Variants in AGFG1 observed in about 807,000 individuals in gnomAD.
The protein encoded by AGFG1 is ArfGAP with FG repeats 1.
A neutral mutation model predicts 60.6 loss-of-function variants in AGFG1; 10 were observed. The ratio of observed to expected loss-of-function variants is 0.16; its 90% CI spans 0.10 to 0.28. The LOEUF is 0.28. AGFG1 is among the 10% of genes least tolerant of loss of function. AGFG1 has a pLI of 1.00. For missense variants in AGFG1, 537 were observed against 676.5 expected (o/e 0.79, Z 2.29); for synonymous variants, 247 against 242.9 (o/e 1.02, Z -0.16).
rs528131500 is a variant in AGFG1 at position 227,490,601 on chromosome 2, C to A, written c.168-946C>A. Among the ~76,000 whole-genome samples the A allele has an allele frequency of 2.0e-5, 3 of 150,684 alleles. No individual in the cohort carries two copies. The East Asian group carries it at 5.9e-4, about 29-fold the overall frequency. The stretch of plus-strand genomic sequence containing the variant: ...TCAAAAAAAAAAAAAAAAATTACTG[C>A]AGTAATTGCTGTAGAACCTAGAGTT... On this transcript the variant is annotated intron_variant, in intron 1 of 12. Transcript: ENST00000310078.
At position 227,559,068 on chromosome 2, in the gene AGFG1, A is replaced by C. The variant is rs1693059449; in HGVS notation, c.*4573A>C. ...GAGGTATTTAATCTGCAAAGACCCA[A>C]GTATCGTGAACCTTGGTTTTAAAAA... On this transcript the variant is annotated 3_prime_UTR_variant, in exon 13 of 13. Transcript: ENST00000310078. 6.6e-6 allele frequency: 1 copy of C among 152,218 alleles called. No homozygotes were observed. Among genetic ancestry groups the C allele is most frequent in the South Asian group, 2.1e-4 (1 of 4,834 alleles). 9.4% of individuals were successfully genotyped at this position (152,218 alleles called of 1,614,324 possible).
At chr2:227,502,807 A>G (rs1024610414) in intron 2 of AGFG1, among the ~76,000 whole-genome samples, 1 of 152,204 alleles carries the variant, frequency 6.6e-6, no homozygotes, top group Non-Finnish European at 1.5e-5. Context: ...TCTGTGATCC[A>G]TCTCAAATTA....
At chr2:227,489,988 G>A (rs1559169903) in intron 1 of AGFG1, among the ~76,000 whole-genome samples, 1 of 151,798 alleles carries the variant, frequency 6.6e-6, no homozygotes. Flanking sequence ...GCTTATTTTT[G>A]TATTTTTAGT....
At chr2:227,499,806 A>G (rs1037550603) in intron 2 of AGFG1, among the ~76,000 whole-genome samples, 3 of 152,196 alleles carry the variant, frequency 2.0e-5, no homozygotes, top group Non-Finnish European at 4.4e-5. Context: ...GAGCTGGATA[A>G]TCTATAACCT....
intron 1 of AGFG1, among the ~76,000 whole-genome samples, chr2:227,486,817 C>T (rs1300303825): frequency 1.3e-5 from 2 of 152,096 alleles, no homozygotes; most frequent in Non-Finnish European, 2.9e-5. Flanking sequence ...AGGGGTTTTA[C>T]CCTGTGGGGG....
At chr2:227,551,777 AGTTAC>A (rs1374645030) in intron 10 of AGFG1, among the ~76,000 whole-genome samples, 177 bp from the exon 11 acceptor site, 2 of 152,196 alleles carry the variant, frequency 1.3e-5, no homozygotes, top group Non-Finnish European at 2.9e-5. Flanking sequence ...AATTTCTACA[AGTTAC>A]GTTAAACTGT....
At chr2:227,533,862 G>T in intron 7 of AGFG1, 104 bp downstream of exon 7, 4 of 1,126,776 alleles carry the variant, frequency 3.5e-6, no homozygotes, top group Non-Finnish European at 5.0e-6. Context: ...CTCAGTTGTT[G>T]TATAGAAATT....
At chr2:227,512,705 A>G (rs1290645457) in intron 2 of AGFG1, among the ~76,000 whole-genome samples, 6 of 152,196 alleles carry the variant, frequency 3.9e-5, no homozygotes, top group Non-Finnish European at 8.8e-5. Context: ...TTCTACTTCC[A>G]AAAAGTGGAT....
chr2:227,532,610 C>G (rs558807095), intron 6 of AGFG1, among the ~76,000 whole-genome samples: 1 of 151,680 alleles, frequency 6.6e-6, no homozygotes, highest in African/African-American at 2.4e-5. Flanking sequence ...AGAAAGTGTT[C>G]GTGTTTTTTT....
chr2:227,531,200 C>G lies in AGFG1; in HGVS notation c.804C>G (p.Pro268=). The part of the protein sequence containing the change: ...FPTASHSPFQ[P]QTTGGSAASV... ...CAGCAAGTCACTCTCCTTTTCAGCC[C>G]CAAACTACAGGTAGAGCTTCTCCAG... is the stretch of plus-strand genomic sequence containing the variant. The change falls in exon 6 of 13, where the codon CCC becomes CCG. Residue 268 remains proline (P), a synonymous_variant. Transcript: ENST00000310078. 1 of 1,613,426 alleles carries G rather than the reference C, an allele frequency of 6.2e-7. No homozygotes were observed.
intron 2 of AGFG1, among the ~76,000 whole-genome samples, chr2:227,492,322 T>A (rs1011325140): frequency 4.6e-5 from 7 of 152,204 alleles, no homozygotes; most frequent in African/African-American, 1.7e-4. Context: ...GGCATTTTTT[T>A]ATAATCCTGC....
At chr2:227,511,973 T>C (rs1192209044) in intron 2 of AGFG1, among the ~76,000 whole-genome samples, 2 of 152,220 alleles carry the variant, frequency 1.3e-5, no homozygotes, top group Non-Finnish European at 2.9e-5. Context: ...TCACATTCTG[T>C]TAAGCCTAAT....
rs1559167208 is a variant in AGFG1, at chr2:227,484,680, TTTTTTTTG to T, written c.168-6859_168-6852del. ...CTTCTTTAATGAAGATCTCTTAGTT[TTTTTTTTG>T]TTTTTTTTTTTTTTTTTTTTTTTTT... On this transcript the variant is annotated intron_variant, in intron 1 of 12. Coordinates refer to ENST00000310078, the MANE Select transcript of AGFG1 (RefSeq NM_004504.5). Among the ~76,000 whole-genome samples the T allele has an allele frequency of 1.6e-3, 15 of 9,186 alleles. 1 individual carries two copies. Among genetic ancestry groups the T allele is most frequent in the South Asian group, 8.8e-3 (1 of 114 alleles). The allele number at this position is 9,186 out of a possible 152,430, so 6.0% of individuals were successfully genotyped here.
At chr2:227,535,505 C>T (rs1445068337) in intron 8 of AGFG1, among the ~76,000 whole-genome samples, 21 of 152,172 alleles carry the variant, frequency 1.4e-4, no homozygotes, top group Admixed American at 1.2e-3. Context: ...ATAAGCACAT[C>T]TGCTGTTATG....
intron 2 of AGFG1, among the ~76,000 whole-genome samples, chr2:227,516,959 A>G (rs970519986): frequency 2.6e-5 from 4 of 152,178 alleles, no homozygotes; most frequent in Non-Finnish European, 5.9e-5. Context: ...TAACTGATAA[A>G]TCTTTAAAAA....
At chr2:227,482,563 T>C (rs1690500961) in intron 1 of AGFG1, among the ~76,000 whole-genome samples, 1 of 152,234 alleles carries the variant, frequency 6.6e-6, no homozygotes, top group Admixed American at 6.5e-5. Flanking sequence ...AATGTCAACT[T>C]TATTACTTTC....
chr2:227,540,668 G>A (rs1372791307), intron 10 of AGFG1, among the ~76,000 whole-genome samples: 2 of 152,194 alleles, frequency 1.3e-5, no homozygotes, highest in Non-Finnish European at 2.9e-5. Flanking sequence ...GTGTGCATGT[G>A]TCTTTATAGC....
At chr2:227,483,438 A>C (rs1321204442) in intron 1 of AGFG1, among the ~76,000 whole-genome samples, 1 of 152,004 alleles carries the variant, frequency 6.6e-6, no homozygotes, top group Non-Finnish European at 1.5e-5. Context: ...TATAGCCACC[A>C]CTCAAATTAG....
chr2:227,505,410 C>T (rs1429518980), intron 2 of AGFG1, among the ~76,000 whole-genome samples: 2 of 152,018 alleles, frequency 1.3e-5, no homozygotes, highest in African/African-American at 4.8e-5. Context: ...ATTTTTTCTG[C>T]CTCATTCTCT....
Sources: allele counts gnomAD v4.1 joint callset (sites outside exome capture counted in the v4.1 genomes callset), GRCh38; gene constraint gnomAD v4.1.1; transcripts MANE v1.5; gene names NCBI Gene and HGNC (gene_info 2026-07-23, HGNC 2026-07-21).